Variants in RIMS2 observed in about 807,000 individuals in gnomAD.
The protein encoded by RIMS2 is regulating synaptic membrane exocytosis 2, also known as regulating synaptic membrane exocytosis protein 2.
A neutral mutation model predicts 174.4 loss-of-function variants in RIMS2; 59 were observed. The ratio of observed to expected loss-of-function variants is 0.34; its 90% CI spans 0.27 to 0.42. The LOEUF (loss-of-function observed/expected upper bound fraction) is 0.42, where lower values mean the gene tolerates loss of function less well. Among genes scored for constraint, RIMS2 ranks in the 10% least tolerant of loss-of-function variants. RIMS2 has a pLI of 1.00. For synonymous variants in RIMS2, 606 were observed against 572.5 expected, an observed-to-expected ratio of 1.06 and a Z score of -0.84; for missense variants, 1,620 against 1,666.3, an observed-to-expected ratio of 0.97 and a Z score of 0.48.
intron 4 of RIMS2, among the ~76,000 whole-genome samples, chr8:103,908,468 C>G (rs911492921): frequency 6.6e-6 from 1 of 152,080 alleles, no homozygotes; most frequent in Non-Finnish European, 1.5e-5. Context: ...CATTTTATAT[C>G]CTGAAAGTTA....
chr8:103,669,613 A>G (rs546407360), intron 1 of RIMS2, among the ~76,000 whole-genome samples: 1 of 152,296 alleles, frequency 6.6e-6, no homozygotes, highest in African/African-American at 2.4e-5. Context: ...AATGGGAGAA[A>G]TTGGCCAAAA....
chr8:104,103,740 T>C (rs193138644), intron 19 of RIMS2, among the ~76,000 whole-genome samples: 10 of 152,272 alleles, frequency 6.6e-5, no homozygotes, highest in Admixed American at 4.6e-4. Context: ...AATATAATCA[T>C]TGGCCTCAAA....
At chr8:104,052,670 A>G (rs1428018263) in intron 19 of RIMS2, among the ~76,000 whole-genome samples, 3 of 152,182 alleles carry the variant, frequency 2.0e-5, no homozygotes, top group East Asian at 3.9e-4. Context: ...GATAGGAGAT[A>G]TAATTTTAAT....
chr8:104,148,464 G>A (rs1347328394), intron 19 of RIMS2, 143 bp from the exon 25 acceptor site: 9 of 739,330 alleles, frequency 1.2e-5, no homozygotes, highest in Non-Finnish European at 1.9e-5. Flanking sequence ...TCAAGACCAT[G>A]GTATTTGAAA....
At chr8:103,809,861 G>A (rs1312391071) in intron 3 of RIMS2, among the ~76,000 whole-genome samples, 3 of 152,122 alleles carry the variant, frequency 2.0e-5, no homozygotes, top group African/African-American at 7.2e-5. Flanking sequence ...GGAAGCTGAC[G>A]TCCTGCTAAA....
Position 103,863,888 on chromosome 8 carries a change from T to C in RIMS2, c.699-21410T>C, listed in dbSNP as rs1002890599. On this transcript the variant is annotated intron_variant, in intron 3 of 23. Coordinates refer to ENST00000504942, the Ensembl canonical transcript of RIMS2. ...TTTTTCATATTTTCAAAGAACCAAG[T>C]TTTTTTTTTTGTTTTTTTTGTTTGT... Among the ~76,000 whole-genome samples the C allele has an allele frequency of 2.8e-5, 2 of 70,342 alleles. 1 individual carries two copies. The highest frequency in any genetic ancestry group is 8.4e-4 in the South Asian group (2 of 2,384). The allele number at this position is 70,342 out of a possible 152,430, so 46.1% of individuals were successfully genotyped here.
chr8:103,791,683 A>G (rs2098500824), intron 3 of RIMS2, among the ~76,000 whole-genome samples: 1 of 152,122 alleles, frequency 6.6e-6, no homozygotes, highest in African/African-American at 2.4e-5. Flanking sequence ...ACCATCTCAC[A>G]TGCAGAGACA....
chr8:103,808,290 C>A (rs569015206), intron 3 of RIMS2, among the ~76,000 whole-genome samples: 1 of 152,224 alleles, frequency 6.6e-6, no homozygotes, highest in African/African-American at 2.4e-5. Context: ...ACCTCTGTGG[C>A]TGCTCCTCTT....
At chr8:103,840,872 A>G (rs1330983728) in intron 3 of RIMS2, among the ~76,000 whole-genome samples, 1 of 152,206 alleles carries the variant, frequency 6.6e-6, no homozygotes, top group Non-Finnish European at 1.5e-5. Flanking sequence ...ACAAAAATAT[A>G]ATTATAGCAT....
At chr8:103,649,778 A>G (rs2096415218) in intron 1 of RIMS2, among the ~76,000 whole-genome samples, 1 of 151,536 alleles carries the variant, frequency 6.6e-6, no homozygotes, top group Non-Finnish European at 1.5e-5. Context: ...CAGGTTGGTT[A>G]TATTCCTCTC....
chr8:103,696,070 T>G (rs2097097245), intron 1 of RIMS2, among the ~76,000 whole-genome samples: 1 of 152,204 alleles, frequency 6.6e-6, no homozygotes, highest in African/African-American at 2.4e-5. Flanking sequence ...TTCCATTTTT[T>G]TTCTGTGAAC....
At chr8:104,010,739 A>G (rs982618922) in intron 17 of RIMS2, among the ~76,000 whole-genome samples, 2 of 152,152 alleles carry the variant, frequency 1.3e-5, no homozygotes, top group South Asian at 4.1e-4. Context: ...GGAATTATTT[A>G]CCTAAGAAAG....
At chr8:104,220,410 A>G (rs2099149776) in intron 19 of RIMS2, among the ~76,000 whole-genome samples, 1 of 152,100 alleles carries the variant, frequency 6.6e-6, no homozygotes, top group South Asian at 2.1e-4. Context: ...CAGGTTATTA[A>G]CACAGACAAG....
intron 1 of RIMS2, among the ~76,000 whole-genome samples, chr8:103,620,005 C>A (rs1441998865): frequency 6.6e-6 from 1 of 151,842 alleles, no homozygotes; most frequent in East Asian, 1.9e-4. Flanking sequence ...TTACCTATAA[C>A]AAACAGACTA....
At chr8:103,858,721 A>T (rs2099041900) in intron 3 of RIMS2, among the ~76,000 whole-genome samples, 1 of 124,884 alleles carries the variant, frequency 8.0e-6, no homozygotes, top group South Asian at 2.6e-4. Context: ...ACACATACCA[A>T]TACATACCTA....
chr8:104,226,107 TATC>T (rs1342697973), intron 19 of RIMS2, among the ~76,000 whole-genome samples: 1 of 152,210 alleles, frequency 6.6e-6, no homozygotes, highest in Non-Finnish European at 1.5e-5. Context: ...ATGTTACTAT[TATC>T]ATAACTGTGA....
intron 19 of RIMS2, among the ~76,000 whole-genome samples, chr8:104,219,508 T>C (rs2099145667): frequency 6.6e-6 from 1 of 152,254 alleles, no homozygotes; most frequent in African/African-American, 2.4e-5. Flanking sequence ...TTTTATAAAC[T>C]CTAAAGTACA....
chr8:103,508,332 G>C (rs371167122), intron 1 of RIMS2, among the ~76,000 whole-genome samples: 137 of 152,110 alleles, frequency 9.0e-4, no homozygotes, highest in African/African-American at 3.2e-3. Context: ...ACGTGATTCA[G>C]TCCTGGGAAG....
chr8:104,004,257 GAAAC>G (rs1228755519), intron 17 of RIMS2, among the ~76,000 whole-genome samples: 2 of 152,288 alleles, frequency 1.3e-5, no homozygotes, highest in East Asian at 3.9e-4. Context: ...ATCAGTCTGA[GAAAC>G]AACCCATGAA....
Sources: gnomAD v4.1 joint callset for allele counts (sites outside exome capture counted in the v4.1 genomes callset) on GRCh38, gnomAD v4.1.1 for gene constraint, MANE v1.5 for transcripts, NCBI Gene and HGNC (gene_info 2026-07-23, HGNC 2026-07-21) for gene names.